FBXO41: variants seen among roughly 807,000 people sequenced by gnomAD.
The protein encoded by FBXO41 is F-box protein 41.
A neutral mutation model predicts 81.6 loss-of-function variants in FBXO41; 33 were observed. The ratio of observed to expected loss-of-function variants is 0.40; its 90% confidence interval spans 0.31 to 0.54. The LOEUF is 0.54. FBXO41 is among the 20% of genes least tolerant of loss of function. The pLI is 0.39. For missense variants in FBXO41, 1,107 were observed against 1,236.0 expected, an observed-to-expected ratio of 0.90 and a Z score of 1.56; for synonymous variants, 576 against 552.7, an observed-to-expected ratio of 1.04 and a Z score of -0.59.
Position 73,269,502 on chromosome 2 carries a change from C to T in FBXO41, c.129G>A (p.Lys43=). 7.4e-7 allele frequency: 1 copy of T among 1,344,294 alleles called. No homozygotes were observed. The highest frequency in any genetic ancestry group is 9.6e-7 in the Non-Finnish European group (1 of 1,038,500). 83.3% of individuals were successfully genotyped at this position (1,344,294 alleles called of 1,614,324 possible). Residue 43 remains lysine, a synonymous_variant, in exon 2 of 13, where the codon AAG becomes AAA. Coordinates refer to ENST00000520530, the MANE Select transcript of FBXO41 (RefSeq NM_001371389.2). This position sits in a 1 kb window ranked among gnomAD's most constrained non-coding sequence, Gnocchi z 7.0. ...HTYETLYILS[K]TNSICDGAAA... is the part of the protein sequence containing the mutation. ...CGGCGCCGTCGCAGATGCTGTTGGT[C>T]TTGGAGAGGATGTAGAGCGTCTCGT...
chr2:73,269,451 AGCGGCGGCGGCGGCCGCGGCGGCG>A lies in FBXO41; in HGVS notation c.156_179del (p.Ala54_Ala61del), dbSNP rs772139447. ...CGGGAGCCAGCGGGAACCCCGAGGC[AGCGGCGGCGGCGGCCGCGGCGGCG>A]GCGGCGCCGTCGCAGATGCTGTTGG... On this transcript the variant is annotated inframe_deletion, in exon 2 of 13. Transcript: ENST00000520530. The surrounding 1 kb of genome is among the most constrained non-coding windows in gnomAD (Gnocchi z 7.0). 1.6e-4 allele frequency: 213 copies of A among 1,291,718 alleles called. 8 individuals are homozygous for A. Among genetic ancestry groups the A allele is most frequent in the Non-Finnish European group, 2.0e-4 (207 of 1,022,886 alleles). The allele number at this position is 1,291,718 out of a possible 1,614,324, so 80.0% of individuals were successfully genotyped here. A position where few individuals can be genotyped will look rare whatever the true frequency, so the allele number is the denominator to read the frequency against.
intron 1 of FBXO41, among the ~76,000 whole-genome samples, chr2:73,274,171 A>C (rs1378671971): frequency 6.6e-6 from 1 of 151,684 alleles, no homozygotes; most frequent in African/African-American, 2.4e-5. Flanking sequence ...CTGCAGCCAA[A>C]CTCCTCAGCT....
rs1440640196 is a variant in FBXO41, at chr2:73,276,377, A to T, written c.-138-6609T>A. Among the ~76,000 whole-genome samples, 4 of 151,764 alleles carry T rather than the reference A, an allele frequency of 2.6e-5. 2 individuals are homozygous for T. The highest frequency in any genetic ancestry group is 9.7e-5 in the African/African-American group (4 of 41,174). ...ATGAGCCATTCCGCCATTGCACTCC[A>T]GCCTGGGCAACAAGAGCAAAACTCC... On this transcript the variant is annotated intron_variant, in intron 1 of 12. Coordinates refer to ENST00000520530, the MANE Select transcript of FBXO41 (RefSeq NM_001371389.2).
At chr2:73,271,075 G>A in intron 1 of FBXO41, 1 of 389,454 alleles carries the variant, frequency 2.6e-6, no homozygotes, top group South Asian at 1.9e-5. Flanking sequence ...TGCCTCTGGA[G>A]CCCTCCATCT....
At chr2:73,281,124 C>G (rs1688834816) in intron 1 of FBXO41, among the ~76,000 whole-genome samples, 1 of 152,190 alleles carries the variant, frequency 6.6e-6, no homozygotes, top group South Asian at 2.1e-4. Context: ...TCCATTTTAT[C>G]CACCCAGCAA....
Position 73,265,914 on chromosome 2 carries a change from T to C in FBXO41, c.1184A>G (p.His395Arg). ...TTACCCTGTGCTCGGAGAGGAGCCATGCCGTGACACTGCATATGTGTTAGG... is the reference window on the plus strand; with the variant it reads ...TTACCCTGTGCTCGGAGAGGAGCCACGCCGTGACACTGCATATGTGTTAGG... ...AVPNTYAVSR[H>R]GSSPSTGASS... The change falls in exon 4 of 13, where the codon CAT becomes CGT. Residue 395 changes from histidine (H) to arginine (R), a missense_variant. Transcript: ENST00000520530. 1 of 1,587,260 alleles carries C rather than the reference T, an allele frequency of 6.3e-7. No individual in the cohort carries two copies. Among genetic ancestry groups the C allele is most frequent in the Non-Finnish European group, 8.6e-7 (1 of 1,166,718 alleles).
In FBXO41 at chr2:73,264,378, A is replaced by C. The variant is rs754402633; in HGVS notation, c.1706T>G (p.Leu569Arg). 6.8e-6 allele frequency: 11 copies of C among 1,613,820 alleles called. No individual in the cohort carries two copies. The highest frequency in any genetic ancestry group is 9.3e-6 in the Non-Finnish European group (11 of 1,179,900). ...CIFTYLDTRTLLHAAEVCRDW... is the reference protein window; with the variant it reads ...CIFTYLDTRTRLHAAEVCRDW... Reference sequence around the variant, plus strand: ...CCGGCAGACCTCGGCAGCATGCAGCAGTGTGCGCGTGTCCAGGTAGGTGAA... The same window carrying C: ...CCGGCAGACCTCGGCAGCATGCAGCCGTGTGCGCGTGTCCAGGTAGGTGAA... The change falls in exon 6 of 13, where the codon CTG (leucine) becomes CGG (arginine). Residue 569 changes from leucine to arginine, a missense_variant. By Grantham distance (102) the Leu-to-Arg change is moderately radical. Transcript: ENST00000520530.
intron 1 of FBXO41, among the ~76,000 whole-genome samples, chr2:73,276,612 G>GAA (rs1558592714): frequency 2.3e-5 from 2 of 85,432 alleles, no homozygotes; most frequent in African/African-American, 1.9e-4. Context: ...GAGGGAGAGA[G>GAA]GGAGAGAGGG....
chr2:73,273,984 C>T (rs1688616073), intron 1 of FBXO41, among the ~76,000 whole-genome samples: 1 of 152,190 alleles, frequency 6.6e-6, no homozygotes, highest in Non-Finnish European at 1.5e-5. Context: ...ACTGGTTTTT[C>T]CTTCCAAGTG....
Position 73,269,099 on chromosome 2 carries a change from C to T in FBXO41, c.532G>A (p.Gly178Ser), listed in dbSNP as rs1688391102. The T allele has an allele frequency of 1.3e-6, 2 of 1,504,546 alleles. No individual in the cohort carries two copies. Among genetic ancestry groups the T allele is most frequent in the Non-Finnish European group, 1.8e-6 (2 of 1,134,806 alleles). 93.2% of individuals were successfully genotyped at this position (1,504,546 alleles called of 1,614,324 possible). ...GCGGAGGCAGGCCCGGGGCAAGGGC[C>T]GGGGCCGGGGCCAGGCGGCGGCGTC... ...CSTPPPGPGP[G>S]PCPGPASASP... Residue 178 changes from glycine (G) to serine (S), a missense_variant, in exon 2 of 13, where the codon GGC becomes AGC. Physicochemically the swap from Gly to Ser is moderately conservative, Grantham distance 56. Coordinates refer to ENST00000520530, the MANE Select transcript of FBXO41 (RefSeq NM_001371389.2). The surrounding 1 kb of genome is among the most constrained non-coding windows in gnomAD (Gnocchi z 7.0).
In FBXO41 at chr2:73,260,675, CA is replaced by C; in HGVS notation, c.2290+64del. The stretch of plus-strand genomic sequence containing the variant: ...AGCCCCAAGCCCCTGTGGGATTTCA[CA>C]AGGCAGCACTGCACCCATGCCTGCT... On this transcript the variant is annotated intron_variant, in intron 10 of 12. Coordinates refer to ENST00000520530, the MANE Select transcript of FBXO41 (RefSeq NM_001371389.2). This position sits in a 1 kb window ranked among gnomAD's most constrained non-coding sequence, Gnocchi z 5.0. The C allele has an allele frequency of 6.6e-7, 1 of 1,516,192 alleles. No homozygotes were observed. The highest frequency in any genetic ancestry group is 1.3e-5 in the South Asian group (1 of 79,078). The allele number at this position is 1,516,192 out of a possible 1,614,324, so 93.9% of individuals were successfully genotyped here.
rs1366206570 is a variant in FBXO41, at chr2:73,284,101, G to C, written c.-139+59C>G. 6.6e-6 allele frequency: 1 copy of C among 152,372 alleles called. No individual in the cohort carries two copies. The highest frequency in any genetic ancestry group is 1.5e-5 in the Non-Finnish European group (1 of 68,164). The allele number at this position is 152,372 out of a possible 1,614,324, so 9.4% of individuals were successfully genotyped here. ...AGGGGAAGAAGGGACAGTGGCTGGG[G>C]TCCTCCCTCCTTCCCTCTCCGGGAG... On this transcript the variant is annotated intron_variant, in intron 1 of 12. Transcript: ENST00000520530. The surrounding 1 kb of genome is among the most constrained non-coding windows in gnomAD (Gnocchi z 7.4).
rs1688298606 is a variant in FBXO41 at position 73,266,867 on chromosome 2, A to G, written c.906-185T>C. 2 of 917,572 alleles carry G rather than the reference A, an allele frequency of 2.2e-6. No individual in the cohort carries two copies. The highest frequency in any genetic ancestry group is 3.0e-6 in the Non-Finnish European group (2 of 671,174). 56.8% of individuals were successfully genotyped at this position (917,572 alleles called of 1,614,324 possible). On this transcript the variant is annotated intron_variant, in intron 2 of 12. Coordinates refer to ENST00000520530, the MANE Select transcript of FBXO41 (RefSeq NM_001371389.2). The surrounding 1 kb of genome is among the most constrained non-coding windows in gnomAD (Gnocchi z 5.3). ...CGCACGATGACACATACAGAAATGC[A>G]TGCATGCACTCCGAGCCACACACTC...
At chr2:73,276,560 C>CAGAGAGAGAGAGAGAGAGAGAG (rs533998261) in intron 1 of FBXO41, among the ~76,000 whole-genome samples, 36 of 106,456 alleles carry the variant, frequency 3.4e-4, no homozygotes, top group Non-Finnish European at 5.5e-4. Flanking sequence ...CAAATCTATT[C>CAGAGAGAGAGAGAGAGAGAGAG]AGAGAGAGAG....
At chr2:73,271,750 C>CA (rs1194560426) in intron 1 of FBXO41, among the ~76,000 whole-genome samples, 6 of 152,074 alleles carry the variant, frequency 3.9e-5, no homozygotes, top group Non-Finnish European at 1.5e-5. Context: ...CCTGCCTCAG[C>CA]CTCCCGAGTA....
chr2:73,284,219 C>A lies in FBXO41; in HGVS notation c.-198G>T, dbSNP rs1364749873. 6.6e-6 allele frequency: 1 copy of A among 152,236 alleles called. No individual in the cohort carries two copies. The highest frequency in any genetic ancestry group is 1.5e-5 in the Non-Finnish European group (1 of 68,092). The allele number at this position is 152,236 out of a possible 1,614,324, so 9.4% of individuals were successfully genotyped here. ...CCCAGGGCTGGGGACGCAGAAGAGC[C>A]CCCGCGTGCCCGGTCCAGACGCAGG... On this transcript the variant is annotated 5_prime_UTR_variant, in exon 1 of 13. Coordinates refer to ENST00000520530, the MANE Select transcript of FBXO41 (RefSeq NM_001371389.2). The surrounding 1 kb of genome is among the most constrained non-coding windows in gnomAD (Gnocchi z 7.4).
chr2:73,282,466 G>C (rs902803453), intron 1 of FBXO41, among the ~76,000 whole-genome samples: 1 of 152,176 alleles, frequency 6.6e-6, no homozygotes, highest in Non-Finnish European at 1.5e-5. Flanking sequence ...AGCACTTCAG[G>C]AGGCTGAGGC....
intron 1 of FBXO41, among the ~76,000 whole-genome samples, chr2:73,283,177 C>T (rs1466376651): frequency 6.6e-6 from 1 of 152,172 alleles, no homozygotes; most frequent in Non-Finnish European, 1.5e-5. Flanking sequence ...CCTATTAGGC[C>T]CCTGTGGGTG....
chr2:73,259,326 G>C lies in FBXO41; in HGVS notation c.2450-30C>G, dbSNP rs367854019. ...GAAAAGGTGAGCAAAGTAGGGGCGT[G>C]TTTGGCCTGGGCTGTGGAGCTGCCT... On this transcript the variant is annotated intron_variant, in intron 11 of 12. Transcript: ENST00000520530. The surrounding 1 kb of genome is among the most constrained non-coding windows in gnomAD (Gnocchi z 4.2). 86 of 1,587,184 alleles carry C rather than the reference G, an allele frequency of 5.4e-5. No individual in the cohort carries two copies. In the East Asian group the frequency reaches 1.5e-3, roughly 27 times the overall value.
Sources: gnomAD v4.1 joint callset for allele counts (sites outside exome capture counted in the v4.1 genomes callset) on GRCh38, gnomAD v4.1.1 for gene constraint, Gnocchi (gnomAD v3.1) non-coding constraint, MANE v1.5 for transcripts, NCBI Gene and HGNC (gene_info 2026-07-23, HGNC 2026-07-21) for gene names.